Variants in MRLN observed in about 807,000 individuals in gnomAD.
MRLN encodes myoregulin, also known as Linc-RNA activator of myogenesis.
At chr10:59,752,464 A>G (rs911293698) in intron 1 of MRLN, among the ~76,000 whole-genome samples, 1 of 152,216 alleles carries the variant, frequency 6.6e-6, no homozygotes, top group Non-Finnish European at 1.5e-5. Context: ...GTGGTTGAGT[A>G]CTTTCTTAGG....
intron 2 of MRLN, chr10:59,737,971 A>G (rs1223874459): frequency 6.6e-6 from 1 of 152,188 alleles, no homozygotes; most frequent in Non-Finnish European, 1.5e-5. Context: ...AAACGTGGCA[A>G]GATTTGGGTA....
chr10:59,752,556 C>T (rs1360238755), intron 1 of MRLN, among the ~76,000 whole-genome samples: 1 of 152,184 alleles, frequency 6.6e-6, no homozygotes, highest in South Asian at 2.1e-4. Flanking sequence ...GTCATGCTTC[C>T]CTTACACATT....
chr10:59,740,277 T>A (rs2132587105), intron 1 of MRLN, among the ~76,000 whole-genome samples: 1 of 76,194 alleles, frequency 1.3e-5, no homozygotes, highest in Middle Eastern at 6.0e-3. Context: ...ACATAATACT[T>A]GATAATGATA....
chr10:59,750,165 T>C (rs575993955), intron 1 of MRLN, among the ~76,000 whole-genome samples: 1 of 145,322 alleles, frequency 6.9e-6, no homozygotes, highest in Non-Finnish European at 1.5e-5. Flanking sequence ...CTCCGCCTCC[T>C]GGGTTTAAGT....
chr10:59,751,801 T>C (rs1841106245), intron 1 of MRLN, among the ~76,000 whole-genome samples: 1 of 152,020 alleles, frequency 6.6e-6, no homozygotes, highest in African/African-American at 2.4e-5. Context: ...TAAATACATA[T>C]TTGCACAATT....
In MRLN at chr10:59,752,728, C is replaced by A. The variant is rs116755729; in HGVS notation, c.-125+626G>T. On this transcript the variant is annotated intron_variant, in intron 1 of 2. Transcript: ENST00000414264. ...GGCCTTTCTGGGCTTCAGGGTCCCC[C>A]TTTTCTAGACAGAAAACATAGTGAC... 5.2e-3 allele frequency among the ~76,000 whole-genome samples: 794 copies of A among 152,330 alleles called. 8 individuals carry two copies. Among genetic ancestry groups the A allele is most frequent in the African/African-American group, 0.018 (764 of 41,582 alleles).
intron 1 of MRLN, among the ~76,000 whole-genome samples, chr10:59,746,849 A>G (rs1350287869): frequency 6.6e-6 from 1 of 152,180 alleles, no homozygotes; most frequent in Non-Finnish European, 1.5e-5. Flanking sequence ...CTGGAGTCCA[A>G]TGGCACGATG....
rs574531009 is a variant in MRLN, at chr10:59,737,119, T to C, written c.82A>G (p.Ile28Val). 1 of 398,138 alleles carries C rather than the reference T, an allele frequency of 2.5e-6. No individual in the cohort carries two copies. The highest frequency in any genetic ancestry group is 3.6e-5 in the East Asian group (1 of 27,932). The allele number at this position is 398,138 out of a possible 1,614,324, so 24.7% of individuals were successfully genotyped here. ...AAGTCAACAAAGATAACAAACAAAA[T>C]TTTTAGAAGTCTTCCCACAATTTCA... The part of the protein sequence containing the change: ...EDEIVGRLLK[I>V]LFVIFVDLIS... The change falls in exon 3 of 3, where the codon ATT becomes GTT. Residue 28 changes from isoleucine to valine, a missense_variant. By Grantham distance (29) the Ile-to-Val change is conservative. Transcript: ENST00000414264.
At chr10:59,740,090 T>TA (rs56394459) in intron 1 of MRLN, among the ~76,000 whole-genome samples, 121 of 139,852 alleles carry the variant, frequency 8.7e-4, no homozygotes, top group African/African-American at 1.4e-3. Flanking sequence ...GACTCCATCT[T>TA]AAAAAAAAAA....
At chr10:59,751,612 G>T (rs1309357387) in intron 1 of MRLN, among the ~76,000 whole-genome samples, 2 of 146,954 alleles carry the variant, frequency 1.4e-5, no homozygotes, top group African/African-American at 5.1e-5. Context: ...GGAGATTGCA[G>T]TGAGGTGATA....
At chr10:59,751,690 A>AAAAAAAAAT (rs1841104840) in intron 1 of MRLN, among the ~76,000 whole-genome samples, 1 of 150,344 alleles carries the variant, frequency 6.7e-6, no homozygotes, top group Non-Finnish European at 1.5e-5. Flanking sequence ...AAAAAAAAAA[A>AAAAAAAAAT]GTGATACCCA....
intron 1 of MRLN, among the ~76,000 whole-genome samples, chr10:59,747,796 C>T (rs1841057515): frequency 1.3e-5 from 2 of 152,162 alleles, no homozygotes; most frequent in Non-Finnish European, 2.9e-5. Context: ...TCACACTCTC[C>T]GACACTAATT....
At chr10:59,742,071 AC>A (rs1490575420) in intron 1 of MRLN, among the ~76,000 whole-genome samples, 1 of 152,100 alleles carries the variant, frequency 6.6e-6, no homozygotes, top group Non-Finnish European at 1.5e-5. Context: ...CCTACTTATA[AC>A]CACCCATTAC....
At chr10:59,743,140 T>G (rs1338481639) in intron 1 of MRLN, among the ~76,000 whole-genome samples, 4 of 152,160 alleles carry the variant, frequency 2.6e-5, no homozygotes, top group African/African-American at 9.7e-5. Flanking sequence ...GTTGTGAAGT[T>G]TGGGTGGAAG....
chr10:59,737,797 GCATTCCA>G, intron 2 of MRLN, among the ~76,000 whole-genome samples: 1 of 152,202 alleles, frequency 6.6e-6, no homozygotes, highest in East Asian at 1.9e-4. Context: ...TTTGTGGTCT[GCATTCCA>G]CATTGTTGGA....
chr10:59,743,021 T>C (rs572702850), intron 1 of MRLN, among the ~76,000 whole-genome samples: 1 of 152,278 alleles, frequency 6.6e-6, no homozygotes, highest in African/African-American at 2.4e-5. Flanking sequence ...TGAGCCACTG[T>C]ACCTGGCCTT....
intron 1 of MRLN, among the ~76,000 whole-genome samples, chr10:59,751,750 C>T (rs1260039034): frequency 1.3e-5 from 2 of 151,752 alleles, no homozygotes; most frequent in Admixed American, 6.6e-5. Flanking sequence ...TTATAGACCC[C>T]GTTTTAGGTT....
At chr10:59,738,153 G>A (rs1840943547) in intron 2 of MRLN, 1 of 152,320 alleles carries the variant, frequency 6.6e-6, no homozygotes, top group East Asian at 1.9e-4. Context: ...TCCTAGAGAA[G>A]GGAATTACTT....
chr10:59,746,767 C>T (rs973987015), intron 1 of MRLN, among the ~76,000 whole-genome samples: 1 of 152,218 alleles, frequency 6.6e-6, no homozygotes, highest in African/African-American at 2.4e-5. Flanking sequence ...CAGATCACAA[C>T]TGTGAGCTCA....
Sources: allele counts gnomAD v4.1 joint callset (sites outside exome capture counted in the v4.1 genomes callset), GRCh38; gene constraint gnomAD v4.1.1; transcripts MANE v1.5; gene names NCBI Gene and HGNC (gene_info 2026-07-23, HGNC 2026-07-21).